The following LRP1 variants were observed in gnomAD, a reference collection of about 807,000 sequenced individuals.
The protein encoded by LRP1 is LDL receptor related protein 1.
A neutral mutation model predicts 541.5 loss-of-function variants in LRP1; 51 were observed. The observed-to-expected ratio is 0.09, with a 90% CI of 0.08 to 0.12. LRP1 has a LOEUF of 0.12. Ranked by LOEUF, LRP1 falls within the 10% of genes least tolerant of loss-of-function variation. The pLI, the probability that LRP1 is intolerant of heterozygous loss-of-function variation, is 1.00. For synonymous variants in LRP1, 2,219 were observed against 2,470.8 expected, an observed-to-expected ratio of 0.90 and a Z score of 3.02; for missense variants, 3,878 against 6,376.2, an observed-to-expected ratio of 0.61 and a Z score of 13.34.
At position 57,184,559 on chromosome 12, in the gene LRP1, C is replaced by A; in HGVS notation, c.6186+107C>A. ...AGGACTTGGAGCCCAGGGGAAGTCA[C>A]AGGGTCTCCCAGCCCAGCCCTCCAC... On this transcript the variant is annotated intron_variant, in intron 38 of 88. Coordinates refer to ENST00000243077, the MANE Select transcript of LRP1 (RefSeq NM_002332.3). The surrounding 1 kb of genome is among the most constrained non-coding windows in gnomAD (Gnocchi z 7.8). 8 of 1,463,012 alleles carry A rather than the reference C, an allele frequency of 5.5e-6. No individual in the cohort carries two copies. The highest frequency in any genetic ancestry group is 6.5e-6 in the Non-Finnish European group (7 of 1,084,042). The allele number at this position is 1,463,012 out of a possible 1,614,324, so 90.6% of individuals were successfully genotyped here. A position where few individuals can be genotyped will look rare whatever the true frequency, so the allele number is the denominator to read the frequency against.
chr12:57,134,196 C>G (rs1382264645), intron 1 of LRP1, among the ~76,000 whole-genome samples: 1 of 152,192 alleles, frequency 6.6e-6, no homozygotes, highest in African/African-American at 2.4e-5. Context: ...CAGGCAAAGC[C>G]GAGAACAGAC....
chr12:57,143,942 G>T (rs1266752098), intron 4 of LRP1, 144 bp downstream of exon 4: 5 of 1,048,342 alleles, frequency 4.8e-6, no homozygotes, highest in Non-Finnish European at 6.5e-6. Context: ...ACCACCCCAG[G>T]GCATGACTGT....
intron 17 of LRP1, 26 bp downstream of exon 17, chr12:57,166,235 G>A (rs372189527): frequency 9.5e-6 from 15 of 1,576,146 alleles, no homozygotes; most frequent in Middle Eastern, 1.7e-4. Context: ...CAGATCACAC[G>A]AGGCACCCCT....
chr12:57,167,300 G>A (rs1259864231), intron 18 of LRP1, 144 bp from the exon 19 acceptor site: 3 of 689,884 alleles, frequency 4.3e-6, no homozygotes, highest in African/African-American at 1.8e-5. Context: ...GTTTCCAGCC[G>A]AGGCACTGCT....
chr12:57,175,517 A>G lies in LRP1; in HGVS notation c.3605A>G (p.Glu1202Gly). ...CACAACTGCTCAGTGGCACCTGGCG[A>G]AGGCATTGTGTGTTCCTGCCCTCTG... ...CSHNCSVAPG[E>G]GIVCSCPLGM... The change falls in exon 23 of 89, where the codon GAA (glutamate) becomes GGA (glycine). Residue 1202 changes from glutamate (E) to glycine (G), a missense_variant. Coordinates refer to ENST00000243077, the MANE Select transcript of LRP1 (RefSeq NM_002332.3). 4.3e-6 allele frequency: 7 copies of G among 1,614,124 alleles called. No homozygotes were observed. Among genetic ancestry groups the G allele is most frequent in the Non-Finnish European group, 5.9e-6 (7 of 1,180,028 alleles).
rs868495449 is a variant in LRP1, at chr12:57,179,727, C to T, written c.4967-55C>T. 3.2e-6 allele frequency: 5 copies of T among 1,551,726 alleles called. No homozygotes were observed. Among genetic ancestry groups the T allele is most frequent in the South Asian group, 2.3e-5 (2 of 87,194 alleles). ...CTCCAGAAGGCACACTGGCTCCCCT[C>T]CTGACCCACTGCCCTGCAGACACCC... On this transcript the variant is annotated intron_variant, in intron 29 of 88. Transcript: ENST00000243077. The surrounding 1 kb of genome is among the most constrained non-coding windows in gnomAD (Gnocchi z 6.8).
Position 57,162,943 on chromosome 12 carries a change from T to G in LRP1, c.2490T>G (p.Ala830=), listed in dbSNP as rs1473746064. Residue 830 remains alanine, a synonymous_variant, in exon 15 of 89, where the codon GCT becomes GCG. Transcript: ENST00000243077. The surrounding 1 kb of genome is among the most constrained non-coding windows in gnomAD (Gnocchi z 5.2). ...ATPGSRQCAC[A]EDQVLDADGV... is the part of the protein sequence containing the mutation. ...CTGGGAGCCGCCAGTGCGCCTGTGC[T>G]GAGGACCAGGTGTTGGACGCAGACG... The G allele has an allele frequency of 6.2e-7, 1 of 1,608,206 alleles. No homozygotes were observed. Among genetic ancestry groups the G allele is most frequent in the Non-Finnish European group, 8.5e-7 (1 of 1,178,842 alleles).
chr12:57,163,009 G>A lies in LRP1; in HGVS notation c.2530+26G>A, dbSNP rs138196021. The A allele has an allele frequency of 5.4e-4, 861 of 1,585,622 alleles. 6 individuals carry two copies. The African/African-American group carries it at 9.9e-3, about 18-fold the overall frequency. ...GTATGAGGTGCCTGGCTGGGTGGGA[G>A]TGGGAAGCAGACCCCATCAGGAGGA... is the stretch of plus-strand genomic sequence containing the variant. On this transcript the variant is annotated intron_variant, in intron 15 of 88. Coordinates refer to ENST00000243077, the MANE Select transcript of LRP1 (RefSeq NM_002332.3).
chr12:57,196,338 A>G, intron 55 of LRP1, 61 bp downstream of exon 55: 2 of 1,397,710 alleles, frequency 1.4e-6, no homozygotes, highest in Non-Finnish European at 1.9e-6. Flanking sequence ...GCCTTTCTCC[A>G]CTGCCTTATT....
In LRP1 at chr12:57,193,062, C is replaced by CA. The variant is rs2036450681; in HGVS notation, c.7555+95dup. On this transcript the variant is annotated intron_variant, in intron 45 of 88. Coordinates refer to ENST00000243077, the MANE Select transcript of LRP1 (RefSeq NM_002332.3). ...CCCTACATGCTCCAGCCCAGCCCCCCAAAGCCTTTTGCCAAGAAGACGCTG... is the reference window on the plus strand; with the variant it reads ...CCCTACATGCTCCAGCCCAGCCCCCCAAAAGCCTTTTGCCAAGAAGACGCTG... 5.0e-6 allele frequency: 8 copies of CA among 1,585,766 alleles called. No homozygotes were observed. In the South Asian group the frequency reaches 7.8e-5, roughly 16 times the overall value.
intron 2 of LRP1, 61 bp downstream of exon 2, chr12:57,138,642 G>A (rs896975930): frequency 2.5e-6 from 4 of 1,596,188 alleles, no homozygotes; most frequent in African/African-American, 2.7e-5. Flanking sequence ...TCCTTTGGCA[G>A]ATGTTTGGGA....
rs758327181 is a variant in LRP1 at position 57,187,405 on chromosome 12, C to G, written c.6980C>G (p.Thr2327Ser). The change falls in exon 42 of 89, where the codon ACT (threonine) becomes AGT (serine). Residue 2327 changes from threonine to serine, a missense_variant. Physicochemically the swap from Thr to Ser is moderately conservative, Grantham distance 58. This residue lies in a region of LRP1 where 1,100 missense variants were observed against 1,827.4 expected (regional missense o/e 0.60). Coordinates refer to ENST00000243077, the MANE Select transcript of LRP1 (RefSeq NM_002332.3). ...GCCTTCGAGCGTGAGACCGTCATCA[C>G]TATGTCTGGAGATGACCACCCACGG... ...PGAFERETVI[T>S]MSGDDHPRAF... 52 of 1,614,054 alleles carry G rather than the reference C, an allele frequency of 3.2e-5. No individual in the cohort carries two copies. The South Asian group carries it at 5.5e-4, about 17-fold the overall frequency.
chr12:57,150,344 A>G (rs1385645535), intron 6 of LRP1, among the ~76,000 whole-genome samples: 2 of 151,794 alleles, frequency 1.3e-5, no homozygotes, highest in Non-Finnish European at 2.9e-5. Flanking sequence ...GGTGCCCGCC[A>G]CCACGCCTGG....
intron 42 of LRP1, among the ~76,000 whole-genome samples, 189 bp from the exon 43 acceptor site, chr12:57,190,616 C>T (rs898988860): frequency 1.3e-5 from 2 of 152,262 alleles, no homozygotes; most frequent in African/African-American, 2.4e-5. Context: ...ACTCAGCCAC[C>T]TCGTGTGTGA....
At chr12:57,203,596 A>G in intron 70 of LRP1, 75 bp downstream of exon 70, 1 of 1,413,820 alleles carries the variant, frequency 7.1e-7, no homozygotes, top group Non-Finnish European at 9.3e-7. Context: ...TCATTCACTC[A>G]TTCTTTCTCT....
chr12:57,175,175 A>G (rs1260219380), intron 22 of LRP1, among the ~76,000 whole-genome samples: 2 of 152,038 alleles, frequency 1.3e-5, no homozygotes, highest in Non-Finnish European at 2.9e-5. Flanking sequence ...GAAGGCAGGA[A>G]CATATCGAGA....
intron 6 of LRP1, chr12:57,149,210 C>T (rs1198808610): frequency 4.5e-6 from 2 of 440,900 alleles, no homozygotes; most frequent in East Asian, 6.8e-5. Context: ...CCATCCTTGG[C>T]CTTTCTGACC....
intron 6 of LRP1, among the ~76,000 whole-genome samples, chr12:57,152,577 C>G (rs1272953229): frequency 6.6e-6 from 1 of 152,212 alleles, no homozygotes; most frequent in Non-Finnish European, 1.5e-5. Flanking sequence ...CTTACCCCTG[C>G]ACTAGGCCCT....
intron 1 of LRP1, among the ~76,000 whole-genome samples, chr12:57,134,157 C>T (rs1292560555): frequency 6.6e-6 from 1 of 152,166 alleles, no homozygotes; most frequent in African/African-American, 2.4e-5. Flanking sequence ...GGGTGTTGGC[C>T]AAGTTAGCAT....
Sources: gnomAD v4.1 joint callset for allele counts (sites outside exome capture counted in the v4.1 genomes callset) on GRCh38, gnomAD v4.1.1 for gene constraint, gnomAD v4.1.1 regional missense constraint, Gnocchi (gnomAD v3.1) non-coding constraint, MANE v1.5 for transcripts, NCBI Gene and HGNC (gene_info 2026-07-23, HGNC 2026-07-21) for gene names.